The following HCRTR2 variants were observed in gnomAD, a reference collection of about 807,000 sequenced individuals.
The protein encoded by HCRTR2 is orexin receptor type 2.
Under a neutral mutation model 49.0 loss-of-function variants are expected in HCRTR2, and 22 were observed. The observed-to-expected ratio is 0.45, with a 90% confidence interval of 0.32 to 0.64. The LOEUF is 0.64. Ranked by LOEUF, HCRTR2 falls within the 30% of genes least tolerant of loss-of-function variation. HCRTR2 has a pLI of 0.04. For synonymous variants in HCRTR2, 236 were observed against 205.3 expected, an observed-to-expected ratio of 1.15 and a Z score of -1.28; for missense variants, 491 against 559.4, an observed-to-expected ratio of 0.88 and a Z score of 1.23.
At chr6:55,116,705 A>AAG (rs1241497780) in intron 1 of HCRTR2, among the ~76,000 whole-genome samples, 2 of 16,508 alleles carry the variant, frequency 1.2e-4, no homozygotes, top group African/African-American at 2.3e-4. Flanking sequence ...CAGTACTGTA[A>AAG]AGAGAGAGAG....
At chr6:55,108,945 G>A (rs1764011708) in intron 1 of HCRTR2, among the ~76,000 whole-genome samples, 1 of 152,090 alleles carries the variant, frequency 6.6e-6, no homozygotes, top group Admixed American at 6.5e-5. Flanking sequence ...CCACTCACTG[G>A]CTGCCTGCAT....
At chr6:55,139,707 T>C (rs1407533947) in intron 1 of HCRTR2, among the ~76,000 whole-genome samples, 1 of 152,180 alleles carries the variant, frequency 6.6e-6, no homozygotes, top group African/African-American at 2.4e-5. Flanking sequence ...ATGTTGGGCA[T>C]TATTATGCAT....
intron 1 of HCRTR2, among the ~76,000 whole-genome samples, chr6:55,167,859 T>A (rs573679868): frequency 1.3e-5 from 2 of 152,288 alleles, no homozygotes; most frequent in Admixed American, 6.5e-5. Context: ...GAAAAGAGAA[T>A]TTTTAGAATA....
chr6:55,175,133 G>A (rs1395658883), intron 1 of HCRTR2, among the ~76,000 whole-genome samples: 1 of 152,022 alleles, frequency 6.6e-6, no homozygotes, highest in African/African-American at 2.4e-5. Flanking sequence ...GTGTGTGTGT[G>A]TGGGTGGGTA....
intron 1 of HCRTR2, among the ~76,000 whole-genome samples, chr6:55,119,627 T>C (rs1175556818): frequency 6.6e-6 from 1 of 151,878 alleles, no homozygotes; most frequent in East Asian, 1.9e-4. Context: ...TTGATGTTTT[T>C]TTTTTTTTGT....
At chr6:55,278,630 ATT>A (rs957581723) in intron 5 of HCRTR2, among the ~76,000 whole-genome samples, 2 of 151,682 alleles carry the variant, frequency 1.3e-5, no homozygotes, top group African/African-American at 4.8e-5. Flanking sequence ...AAGATATATG[ATT>A]TTTTTTGTGG....
At chr6:55,223,435 G>A (rs1405561607) in intron 1 of HCRTR2, among the ~76,000 whole-genome samples, 1 of 152,086 alleles carries the variant, frequency 6.6e-6, no homozygotes, top group Non-Finnish European at 1.5e-5. Flanking sequence ...ACATCCTGAA[G>A]TAATTTTTAA....
rs11970377 is a variant in HCRTR2 at position 55,190,158 on chromosome 6, C to T, written c.223+15348C>T. Among the ~76,000 whole-genome samples the T allele has an allele frequency of 2.8e-3, 427 of 152,266 alleles. 4 individuals carry two copies. Among genetic ancestry groups the T allele is most frequent in the African/African-American group, 1.0e-2 (414 of 41,566 alleles). On this transcript the variant is annotated intron_variant, in intron 1 of 6. Coordinates refer to ENST00000370862, the MANE Select transcript of HCRTR2 (RefSeq NM_001384272.1). The stretch of plus-strand genomic sequence containing the variant: ...TTAATGTGACAAGACCTTTTTGCCA[C>T]AATAAACAAATTCATTAGTTCAAAA...
chr6:55,280,823 T>C lies in HCRTR2; in HGVS notation c.1105+379T>C, dbSNP rs151146194. On this transcript the variant is annotated intron_variant, in intron 6 of 6. Coordinates refer to ENST00000370862, the MANE Select transcript of HCRTR2 (RefSeq NM_001384272.1). ...AATGTGTAGCCTAATTGAGACAGAA[T>C]TGGGATCTATTCACTTTTAGATATT... Among the ~76,000 whole-genome samples, 719 of 152,320 alleles carry C rather than the reference T, an allele frequency of 4.7e-3. 6 individuals carry two copies. Among genetic ancestry groups the C allele is most frequent in the African/African-American group, 0.016 (652 of 41,580 alleles).
intron 1 of HCRTR2, among the ~76,000 whole-genome samples, chr6:55,157,611 C>A (rs552197958): frequency 6.6e-6 from 1 of 152,302 alleles, no homozygotes; most frequent in Admixed American, 6.5e-5. Flanking sequence ...TAGTTTGACC[C>A]AGCACAGCCC....
chr6:55,272,847 C>CTT lies in HCRTR2; in HGVS notation c.763-4515_763-4514dup, dbSNP rs993989385. ...AAGTCCCAGAGAGCAGAGGGAAAAC[C>CTT]TTTTTTTTTTTTTTTTTTTGCAAAG... On this transcript the variant is annotated intron_variant, in intron 4 of 6. Coordinates refer to ENST00000370862, the MANE Select transcript of HCRTR2 (RefSeq NM_001384272.1). 2.6e-3 allele frequency among the ~76,000 whole-genome samples: 285 copies of CTT among 111,238 alleles called. 4 individuals are homozygous for CTT. The highest frequency in any genetic ancestry group is 5.9e-3 in the African/African-American group (174 of 29,310). The allele number at this position is 111,238 out of a possible 152,430, so 73.0% of individuals were successfully genotyped here.
chr6:55,228,515 T>C (rs1330936303), intron 1 of HCRTR2, among the ~76,000 whole-genome samples: 1 of 152,152 alleles, frequency 6.6e-6, no homozygotes, highest in Non-Finnish European at 1.5e-5. Flanking sequence ...TTCACTACAT[T>C]CATTCTTTCT....
At chr6:55,145,098 T>A (rs2127254986) in intron 1 of HCRTR2, among the ~76,000 whole-genome samples, 1 of 152,210 alleles carries the variant, frequency 6.6e-6, no homozygotes, top group East Asian at 1.9e-4. Context: ...TACGTAGATT[T>A]TACTTACCAA....
rs767100708 is a variant in HCRTR2, at chr6:55,263,910, T to G, written c.762+88T>G. 9 of 836,260 alleles carry G rather than the reference T, an allele frequency of 1.1e-5. No individual in the cohort carries two copies. The African/African-American group carries it at 1.3e-4, about 12-fold the overall frequency. 51.8% of individuals were successfully genotyped at this position (836,260 alleles called of 1,614,324 possible). Reference sequence around the variant, plus strand: ...CCTTCCAAATATTTTGTCTGTGCTTTTTTTTTAGGATGCACTTATAAACAA... The same window carrying G: ...CCTTCCAAATATTTTGTCTGTGCTTGTTTTTTAGGATGCACTTATAAACAA... On this transcript the variant is annotated intron_variant, in intron 4 of 6. Transcript: ENST00000370862.
intron 1 of HCRTR2, among the ~76,000 whole-genome samples, chr6:55,125,273 G>A (rs188644574): frequency 4.3e-4 from 65 of 152,156 alleles, no homozygotes; most frequent in African/African-American, 1.4e-3. Context: ...TCTATGTTTA[G>A]CGCTTCCTTC....
At chr6:55,192,238 A>T (rs1225192284) in intron 1 of HCRTR2, among the ~76,000 whole-genome samples, 1 of 152,100 alleles carries the variant, frequency 6.6e-6, no homozygotes, top group Non-Finnish European at 1.5e-5. Context: ...AAAAATTAGG[A>T]TCTGCCTTGG....
At chr6:55,274,945 A>T (rs1476945177) in intron 4 of HCRTR2, among the ~76,000 whole-genome samples, 1 of 152,172 alleles carries the variant, frequency 6.6e-6, no homozygotes, top group African/African-American at 2.4e-5. Flanking sequence ...TGAATTCATT[A>T]ATGGACCTAT....
chr6:55,207,127 T>A (rs1765615668), intron 1 of HCRTR2, among the ~76,000 whole-genome samples: 2 of 152,260 alleles, frequency 1.3e-5, no homozygotes, highest in African/African-American at 4.8e-5. Context: ...ATTCATAGAT[T>A]ATTGAGATGG....
chr6:55,227,876 T>A (rs1329724168), intron 1 of HCRTR2, among the ~76,000 whole-genome samples: 1 of 152,190 alleles, frequency 6.6e-6, no homozygotes, highest in Non-Finnish European at 1.5e-5. Context: ...GCTAGTAACA[T>A]AGGAAGAGAA....
Sources: gnomAD v4.1 joint callset for allele counts (sites outside exome capture counted in the v4.1 genomes callset) on GRCh38, gnomAD v4.1.1 for gene constraint, MANE v1.5 for transcripts, NCBI Gene and HGNC (gene_info 2026-07-23, HGNC 2026-07-21) for gene names.